Variants in NMT1 observed in about 807,000 individuals in gnomAD.
NMT1 encodes the protein glycylpeptide N-tetradecanoyltransferase 1.
NMT1 carries 12 observed loss-of-function variants against 63.4 expected under a neutral mutation model. The observed-to-expected ratio is 0.19, with a 90% CI of 0.12 to 0.31. The LOEUF (loss-of-function observed/expected upper bound fraction) is 0.31, where lower values mean the gene tolerates loss of function less well. Ranked by LOEUF, NMT1 falls within the 10% of genes least tolerant of loss-of-function variation. NMT1 has a pLI of 1.00. For missense variants in NMT1, 432 were observed against 634.6 expected (o/e 0.68, Z 3.43); for synonymous variants, 228 against 234.3 (o/e 0.97, Z 0.25).
intron 1 of NMT1, among the ~76,000 whole-genome samples, chr17:45,066,805 T>C (rs2143449920): frequency 6.6e-6 from 1 of 152,150 alleles, no homozygotes; most frequent in South Asian, 2.1e-4. Context: ...GCCTTTGACC[T>C]GGGCTCAAGC....
chr17:45,096,054 G>T, intron 4 of NMT1, 140 bp from the exon 5 acceptor site: 2 of 652,774 alleles, frequency 3.1e-6, no homozygotes, highest in Non-Finnish European at 5.5e-6. Flanking sequence ...TACCATGCCA[G>T]GGGGCAGAAG....
Position 45,102,943 on chromosome 17 carries a change from G to C in NMT1, c.994-8G>C. On this transcript the variant is annotated splice_region_variant and splice_polypyrimidine_tract_variant and intron_variant, in intron 8 of 11. Transcript: ENST00000258960. ...CATCTCACTCCATCTCTTCTGTCTT[G>C]CCTCCAGACTCCCAAGACAGCTGGG... The C allele has an allele frequency of 6.2e-7, 1 of 1,604,992 alleles. No individual in the cohort carries two copies.
intron 3 of NMT1, among the ~76,000 whole-genome samples, chr17:45,092,212 T>A (rs1397747037): frequency 2.6e-5 from 4 of 151,966 alleles, no homozygotes; most frequent in African/African-American, 9.7e-5. Context: ...GTATGTCTCA[T>A]GAGGACAGGG....
chr17:45,105,851 G>C lies in NMT1; in HGVS notation c.*212G>C. On this transcript the variant is annotated 3_prime_UTR_variant, in exon 12 of 12. Transcript: ENST00000258960. This position sits in a 1 kb window ranked among gnomAD's most constrained non-coding sequence, Gnocchi z 4.2. ...ACCTCCGGTCGTGTCTCTGGTCTCC[G>C]TGTTTTCCAGTTAATTACATCCTCA... is the stretch of plus-strand genomic sequence containing the variant. 1.8e-6 allele frequency: 1 copy of C among 546,564 alleles called. No individual in the cohort carries two copies. The highest frequency in any genetic ancestry group is 2.4e-5 in the South Asian group (1 of 41,728). The allele number at this position is 546,564 out of a possible 1,614,324, so 33.9% of individuals were successfully genotyped here.
intron 1 of NMT1, among the ~76,000 whole-genome samples, chr17:45,070,945 G>A (rs2053935888): frequency 6.6e-6 from 1 of 152,208 alleles, no homozygotes. Context: ...TGGTGGGAAT[G>A]TGCGGAGTTG....
chr17:45,079,994 G>A (rs991494106), intron 1 of NMT1, among the ~76,000 whole-genome samples: 5 of 151,810 alleles, frequency 3.3e-5, no homozygotes, highest in African/African-American at 4.8e-5. Context: ...CACTGCGCCC[G>A]GCCACATGTT....
At position 45,084,479 on chromosome 17, in the gene NMT1, C is replaced by T. The variant is rs143275645; in HGVS notation, c.241-2029C>T. 8.8e-4 allele frequency among the ~76,000 whole-genome samples: 133 copies of T among 151,880 alleles called. 1 individual carries two copies. Among genetic ancestry groups the T allele is most frequent in the Admixed American group, 8.2e-3 (125 of 15,250 alleles). On this transcript the variant is annotated intron_variant, in intron 2 of 11. Coordinates refer to ENST00000258960, the MANE Select transcript of NMT1 (RefSeq NM_021079.5). ...CCTCCCGAGTAGCTGGGACTACAGC[C>T]GCCCGTGACCACACTGGCTAATTTT... is the stretch of plus-strand genomic sequence containing the variant.
At position 45,078,623 on chromosome 17, in the gene NMT1, T is replaced by C. The variant is rs1292790175; in HGVS notation, c.132-3021T>C. On this transcript the variant is annotated intron_variant, in intron 1 of 11. Coordinates refer to ENST00000258960, the MANE Select transcript of NMT1 (RefSeq NM_021079.5). ...AATGTTAATGGAAAATTGTATTTTA[T>C]ATTGTTTTAATTCTTGGGGGTTTTG... Among the ~76,000 whole-genome samples the C allele has an allele frequency of 2.6e-5, 4 of 152,186 alleles. No individual in the cohort carries two copies. The East Asian group carries it at 7.7e-4, about 29-fold the overall frequency.
rs1455504445 is a variant in NMT1 at position 45,103,266 on chromosome 17, G to C, written c.1164+145G>C. The C allele has an allele frequency of 1.4e-5, 11 of 777,264 alleles. No homozygotes were observed. The highest frequency in any genetic ancestry group is 2.7e-5 in the Admixed American group (1 of 37,666). 48.1% of individuals were successfully genotyped at this position (777,264 alleles called of 1,614,324 possible). A position where few individuals can be genotyped will look rare whatever the true frequency, so the allele number is the denominator to read the frequency against. On this transcript the variant is annotated intron_variant, in intron 9 of 11. Coordinates refer to ENST00000258960, the MANE Select transcript of NMT1 (RefSeq NM_021079.5). This position sits in a 1 kb window ranked among gnomAD's most constrained non-coding sequence, Gnocchi z 4.8. ...GGTCCTCCCTAAAAACAGGGAGTTG[G>C]TGCTTGAATTTGCTGAAAAGATACC...
At chr17:45,074,799 A>T (rs775788008) in intron 1 of NMT1, among the ~76,000 whole-genome samples, 2 of 152,194 alleles carry the variant, frequency 1.3e-5, no homozygotes, top group Non-Finnish European at 2.9e-5. Context: ...GGTTCTGGCC[A>T]ATCTCAGTTT....
intron 1 of NMT1, among the ~76,000 whole-genome samples, chr17:45,063,168 G>A (rs1210943121): frequency 1.5e-5 from 2 of 133,500 alleles, no homozygotes; most frequent in Admixed American, 8.9e-5. Context: ...TCACGCCACT[G>A]CACTCCAGCC....
At chr17:45,093,147 CTG>C (rs2054100590) in intron 3 of NMT1, among the ~76,000 whole-genome samples, 3 of 152,232 alleles carry the variant, frequency 2.0e-5, no homozygotes, top group Non-Finnish European at 1.5e-5. Context: ...ACTCTAAACA[CTG>C]AGGGCCTGAG....
intron 3 of NMT1, among the ~76,000 whole-genome samples, chr17:45,092,128 TC>T (rs2143501743): frequency 6.6e-6 from 1 of 152,332 alleles, no homozygotes; most frequent in South Asian, 2.1e-4. Flanking sequence ...CTGTTGTGTG[TC>T]CCTGCACTTT....
At position 45,099,524 on chromosome 17, in the gene NMT1, C is replaced by T. The variant is rs758880042; in HGVS notation, c.993+11C>T. 7.5e-6 allele frequency: 12 copies of T among 1,596,550 alleles called. No individual in the cohort carries two copies. The South Asian group carries it at 1.3e-4, about 18-fold the overall frequency. On this transcript the variant is annotated intron_variant, in intron 8 of 11. Transcript: ENST00000258960. ...TACCGACTGCCAGAGGCCAGTGCTGCCCCGGGTGGTGGGCAGGGGGCAGAG... is the reference window on the plus strand; with the variant it reads ...TACCGACTGCCAGAGGCCAGTGCTGTCCCGGGTGGTGGGCAGGGGGCAGAG...
intron 3 of NMT1, among the ~76,000 whole-genome samples, chr17:45,092,396 T>C (rs576530231): frequency 8.4e-6 from 1 of 119,146 alleles, no homozygotes; most frequent in Admixed American, 7.7e-5. Flanking sequence ...CCCCACAGAT[T>C]ATCATTCTGG....
At chr17:45,067,794 A>G (rs2053912427) in intron 1 of NMT1, among the ~76,000 whole-genome samples, 1 of 152,254 alleles carries the variant, frequency 6.6e-6, no homozygotes, top group Non-Finnish European at 1.5e-5. Flanking sequence ...TTAAAAAGAA[A>G]CTAATCAAGA....
chr17:45,086,211 C>T (rs1004745427), intron 2 of NMT1, among the ~76,000 whole-genome samples: 1 of 149,886 alleles, frequency 6.7e-6, no homozygotes, highest in Admixed American at 6.7e-5. Flanking sequence ...GCATCCTCTG[C>T]CTCCCAGGTT....
intron 8 of NMT1, among the ~76,000 whole-genome samples, chr17:45,101,206 A>G (rs2054163067): frequency 6.6e-6 from 1 of 151,364 alleles, no homozygotes; most frequent in South Asian, 2.1e-4. Flanking sequence ...AACAACAAAA[A>G]AAGGATTTTG....
chr17:45,073,594 T>G (rs1411188755), intron 1 of NMT1, among the ~76,000 whole-genome samples: 2 of 152,224 alleles, frequency 1.3e-5, no homozygotes, highest in Non-Finnish European at 2.9e-5. Context: ...TGACTCACTT[T>G]CCTCATTACT....
Sources: allele counts gnomAD v4.1 joint callset (sites outside exome capture counted in the v4.1 genomes callset), GRCh38; gene constraint gnomAD v4.1.1; non-coding constraint Gnocchi (gnomAD v3.1); transcripts MANE v1.5; gene names NCBI Gene and HGNC (gene_info 2026-07-23, HGNC 2026-07-21).